Variants in SEC24D observed in about 807,000 individuals in gnomAD.
The protein encoded by SEC24D is protein transport protein Sec24D.
In SEC24D, 69 loss-of-function variants were observed where a neutral mutation model predicts 116.9. The ratio of observed to expected loss-of-function variants is 0.59; its 90% CI spans 0.49 to 0.72. SEC24D has a LOEUF of 0.72. SEC24D is among the 30% of genes least tolerant of loss of function. The pLI, the probability that SEC24D is intolerant of heterozygous loss-of-function variation, is 0.00. For missense variants in SEC24D, 1,131 were observed against 1,264.1 expected (o/e 0.89, Z 1.60); for synonymous variants, 405 against 442.8 (o/e 0.91, Z 1.07).
At chr4:118,732,628 CT>C in intron 20 of SEC24D, 104 bp downstream of exon 20, 1 of 1,151,802 alleles carries the variant, frequency 8.7e-7, no homozygotes, top group East Asian at 2.4e-5. Flanking sequence ...GTGACTTTAA[CT>C]TTCCTCTTAA....
intron 12 of SEC24D, 87 bp downstream of exon 12, chr4:118,752,610 A>G: frequency 2.2e-6 from 2 of 905,556 alleles, no homozygotes; most frequent in Non-Finnish European, 3.3e-6. Flanking sequence ...GCTAATGATA[A>G]AACAATGTAT....
chr4:118,725,691 G>A (rs185723829), intron 22 of SEC24D, among the ~76,000 whole-genome samples: 2 of 152,102 alleles, frequency 1.3e-5, no homozygotes, highest in African/African-American at 4.8e-5. Context: ...GAGCTGAGGT[G>A]GTAAGTAGAA....
chr4:118,784,321 A>G (rs1728564370), intron 8 of SEC24D, among the ~76,000 whole-genome samples: 2 of 152,228 alleles, frequency 1.3e-5, no homozygotes, highest in Non-Finnish European at 2.9e-5. Context: ...CTTGTTATCA[A>G]AATAAAAGTT....
intron 2 of SEC24D, chr4:118,825,580 T>C: frequency 2.2e-6 from 1 of 456,274 alleles, no homozygotes; most frequent in South Asian, 1.5e-5. Flanking sequence ...TGTATGAACC[T>C]GGGCAAGAAG....
intron 19 of SEC24D, chr4:118,736,550 T>C (rs1309217989): frequency 3.0e-6 from 1 of 331,236 alleles, no homozygotes; most frequent in Admixed American, 4.4e-5. Context: ...TCTTCATAGA[T>C]ATTATTTTTC....
chr4:118,773,879 G>A (rs999894906), intron 8 of SEC24D, among the ~76,000 whole-genome samples: 4 of 152,080 alleles, frequency 2.6e-5, no homozygotes, highest in South Asian at 2.1e-4. Flanking sequence ...GCTATTTACC[G>A]TACAAGTGCT....
intron 2 of SEC24D, among the ~76,000 whole-genome samples, chr4:118,828,864 G>A (rs1730705941): frequency 6.6e-6 from 1 of 152,182 alleles, no homozygotes; most frequent in South Asian, 2.1e-4. Context: ...CCCCGCCAAT[G>A]GCATCTCTCA....
chr4:118,790,617 G>A (rs895639895), intron 8 of SEC24D, among the ~76,000 whole-genome samples: 3 of 151,892 alleles, frequency 2.0e-5, no homozygotes, highest in Admixed American at 6.6e-5. Flanking sequence ...TAAGGAATAC[G>A]AAATTTAAAC....
chr4:118,830,979 T>C (rs1260542339), intron 2 of SEC24D, among the ~76,000 whole-genome samples: 1 of 152,090 alleles, frequency 6.6e-6, no homozygotes, highest in Non-Finnish European at 1.5e-5. Flanking sequence ...CCAAAAAGAT[T>C]TGGGAGACCG....
rs373769504 is a variant in SEC24D, at chr4:118,790,966, G to C, written c.1041+6717C>G. On this transcript the variant is annotated intron_variant, in intron 8 of 22. Transcript: ENST00000280551. Reference sequence around the variant, plus strand: ...ATAGTAGAGGAAGATAATTAAAGATGACTTTATACATAGAATAACAGTATT... The same window carrying C: ...ATAGTAGAGGAAGATAATTAAAGATCACTTTATACATAGAATAACAGTATT... Among the ~76,000 whole-genome samples the C allele has an allele frequency of 2.5e-4, 38 of 150,738 alleles. 1 individual carries two copies. The East Asian group carries it at 5.6e-3, about 22-fold the overall frequency.
rs868634344 is a variant in SEC24D at position 118,797,715 on chromosome 4, T to A, written c.1009A>T (p.Ile337Phe). The change falls in exon 8 of 23, where the codon ATC (isoleucine) becomes TTC (phenylalanine). Residue 337 changes from isoleucine (I) to phenylalanine (F), a missense_variant. By Grantham distance (21) the Ile-to-Phe change is conservative. Coordinates refer to ENST00000280551, the MANE Select transcript of SEC24D (RefSeq NM_014822.4). ...KQAQIPLAAVIKPFATIPSNE... is the reference protein window; with the variant it reads ...KQAQIPLAAVFKPFATIPSNE... ...GAAGGAATGGTGGCAAAGGGCTTGA[T>A]GACAGCAGCTAATGGAATCTGAGCT... 2.5e-6 allele frequency: 4 copies of A among 1,609,906 alleles called. No individual in the cohort carries two copies. The Middle Eastern group carries it at 6.6e-4, about 267-fold the overall frequency.
chr4:118,828,787 A>C (rs1245610482), intron 2 of SEC24D, among the ~76,000 whole-genome samples: 1 of 152,174 alleles, frequency 6.6e-6, no homozygotes, highest in African/African-American at 2.4e-5. Context: ...TCCCAGACTA[A>C]ATCACTTCAG....
chr4:118,752,963 T>A, intron 11 of SEC24D, 75 bp from the exon 12 acceptor site: 3 of 1,056,686 alleles, frequency 2.8e-6, no homozygotes, highest in Non-Finnish European at 4.1e-6. Context: ...TGAAATTCAG[T>A]AAGTGTGTCT....
intron 20 of SEC24D, 33 bp from the exon 21 acceptor site, chr4:118,731,540 C>G: frequency 1.3e-6 from 2 of 1,570,624 alleles, no homozygotes; most frequent in African/African-American, 1.3e-5. Flanking sequence ...GTTAGAAACT[C>G]CTTTCTTCCC....
Position 118,768,163 on chromosome 4 carries a change from C to T in SEC24D, c.1180+10G>A. 6.2e-7 allele frequency: 1 copy of T among 1,606,182 alleles called. No homozygotes were observed. Among genetic ancestry groups the T allele is most frequent in the Non-Finnish European group, 8.5e-7 (1 of 1,176,550 alleles). On this transcript the variant is annotated intron_variant, in intron 9 of 22. Transcript: ENST00000280551. ...GAATTTCACAAAGAGCTTTTAATGG[C>T]ACTGCTTACCATCATTCACACAGTT...
chr4:118,797,590 T>G (rs1024622182), intron 8 of SEC24D, 93 bp downstream of exon 8: 1 of 944,548 alleles, frequency 1.1e-6, no homozygotes, highest in African/African-American at 1.7e-5. Flanking sequence ...CAGTTTCCTG[T>G]TTATATTATA....
At chr4:118,830,084 G>A (rs1316476526) in intron 2 of SEC24D, among the ~76,000 whole-genome samples, 1 of 152,236 alleles carries the variant, frequency 6.6e-6, no homozygotes, top group East Asian at 1.9e-4. Context: ...AGAGATATAA[G>A]AGCTGGAGTA....
chr4:118,756,444 G>A (rs1200784555), intron 11 of SEC24D, among the ~76,000 whole-genome samples: 1 of 152,004 alleles, frequency 6.6e-6, no homozygotes, highest in East Asian at 1.9e-4. Flanking sequence ...AAAATATTAT[G>A]ACTTCAGCTT....
intron 22 of SEC24D, among the ~76,000 whole-genome samples, chr4:118,725,068 T>A (rs910504375): frequency 7.2e-6 from 1 of 139,030 alleles, no homozygotes; most frequent in African/African-American, 2.5e-5. Context: ...ACTTGCTTTT[T>A]TCCTTTATAA....
Sources: allele counts gnomAD v4.1 joint callset (sites outside exome capture counted in the v4.1 genomes callset), GRCh38; gene constraint gnomAD v4.1.1; transcripts MANE v1.5; gene names NCBI Gene and HGNC (gene_info 2026-07-23, HGNC 2026-07-21).